SLC17A4: variants seen among roughly 807,000 people sequenced by gnomAD.
SLC17A4 encodes probable small intestine urate exporter.
SLC17A4 carries 33 observed loss-of-function variants against 52.5 expected under a neutral mutation model. That is an observed-to-expected ratio of 0.63 (90% CI 0.48 to 0.84). SLC17A4 has a LOEUF of 0.84. SLC17A4 is among the 40% of genes least tolerant of loss of function. SLC17A4 has a pLI of 0.00. For synonymous variants in SLC17A4, 225 were observed against 216.2 expected, an observed-to-expected ratio of 1.04 and a Z score of -0.36; for missense variants, 585 against 597.1, an observed-to-expected ratio of 0.98 and a Z score of 0.21.
At chr6:25,769,282 A>G (rs2328892) in intron 3 of SLC17A4, 92 bp downstream of exon 3, 152,175 of 1,185,502 alleles carry the variant, frequency 0.13, 10,982 homozygotes, top group Middle Eastern at 0.18. Flanking sequence ...ACCACTAAGT[A>G]TTTACTGAAC....
At chr6:25,759,796 A>G (rs1443870389) in intron 1 of SLC17A4, among the ~76,000 whole-genome samples, 2 of 152,228 alleles carry the variant, frequency 1.3e-5, no homozygotes, top group Non-Finnish European at 2.9e-5. Context: ...TGAAGACTAT[A>G]GATACTTGGT....
At chr6:25,760,250 T>C (rs1479107664) in intron 1 of SLC17A4, among the ~76,000 whole-genome samples, 5 of 152,234 alleles carry the variant, frequency 3.3e-5, no homozygotes, top group Admixed American at 3.3e-4. Flanking sequence ...ATTATTCCAA[T>C]AGTTTCCTAC....
Position 25,770,435 on chromosome 6 carries a change from C to T in SLC17A4, c.583C>T (p.Leu195=). The change falls in exon 5 of 12, where the codon CTG becomes TTG. Residue 195 remains leucine (L), a synonymous_variant. Coordinates refer to ENST00000377905, the MANE Select transcript of SLC17A4 (RefSeq NM_005495.3). ...YSIWVKWAPP[L]ERSQLTTIAG... The stretch of plus-strand genomic sequence containing the variant: ...AATTTGGGTCAAATGGGCTCCCCCA[C>T]TGGAAAGGAGTCAACTCACCACCAT... 6.2e-7 allele frequency: 1 copy of T among 1,614,128 alleles called. No individual in the cohort carries two copies. The highest frequency in any genetic ancestry group is 8.5e-7 in the Non-Finnish European group (1 of 1,179,990).
chr6:25,761,955 G>A lies in SLC17A4; in HGVS notation c.-8G>A, dbSNP rs764962322. On this transcript the variant is annotated 5_prime_UTR_variant, in exon 2 of 12. Transcript: ENST00000377905. Reference sequence around the variant, plus strand: ...GTAAATGCCAGTCCCTAGGAAGAGAGAACCAAAATGTCTACCGGACCAGAT... The same window carrying A: ...GTAAATGCCAGTCCCTAGGAAGAGAAAACCAAAATGTCTACCGGACCAGAT... The A allele has an allele frequency of 1.2e-6, 2 of 1,612,074 alleles. No individual in the cohort carries two copies. The highest frequency in any genetic ancestry group is 3.3e-5 in the Admixed American group (2 of 59,752).
intron 8 of SLC17A4, 149 bp from the exon 9 acceptor site, chr6:25,776,446 T>C (rs1762925414): frequency 1.1e-6 from 1 of 882,834 alleles, no homozygotes; most frequent in African/African-American, 1.7e-5. Context: ...ACTAAAAGTA[T>C]ATTGGCTCAT....
At chr6:25,767,639 A>G (rs1762132874) in intron 2 of SLC17A4, among the ~76,000 whole-genome samples, 1 of 152,230 alleles carries the variant, frequency 6.6e-6, no homozygotes, top group African/African-American at 2.4e-5. Flanking sequence ...TAATTAAAGG[A>G]CATGTCACAC....
chr6:25,778,317 G>GTCATTCT (rs1239930541), intron 11 of SLC17A4, among the ~76,000 whole-genome samples: 4 of 151,730 alleles, frequency 2.6e-5, no homozygotes, highest in African/African-American at 9.7e-5. Context: ...CCACAGGAAA[G>GTCATTCT]TTAAAGAATG....
rs565572503 is a variant in SLC17A4, at chr6:25,762,421, A to G, written c.91+368A>G. Among the ~76,000 whole-genome samples, 28 of 152,204 alleles carry G rather than the reference A, an allele frequency of 1.8e-4. No homozygotes were observed. In the South Asian group the frequency reaches 5.0e-3, roughly 27 times the overall value. ...ATGTTAAATCCAGACCTGACCCCGA[A>G]CCCCAAAATGGGCTTTTTGCTTCTA... On this transcript the variant is annotated intron_variant, in intron 2 of 11. Coordinates refer to ENST00000377905, the MANE Select transcript of SLC17A4 (RefSeq NM_005495.3).
At position 25,769,023 on chromosome 6, in the gene SLC17A4, C is replaced by A. The variant is rs773951910; in HGVS notation, c.130C>A (p.Gln44Lys). ...CCGACATGGGCTGGCCCTCATCTTG[C>A]AGCTCTGTAATTTTTCAATTTACAC... ...SVRHGLALIL[Q>K]LCNFSIYTQQ... The change falls in exon 3 of 12, where the codon CAG becomes AAG. Residue 44 changes from glutamine to lysine, a missense_variant. By Grantham distance (53) the Gln-to-Lys change is moderately conservative. Transcript: ENST00000377905. The A allele has an allele frequency of 1.2e-6, 2 of 1,614,054 alleles. No homozygotes were observed. The highest frequency in any genetic ancestry group is 1.7e-6 in the Non-Finnish European group (2 of 1,179,988).
intron 1 of SLC17A4, among the ~76,000 whole-genome samples, chr6:25,758,848 G>T (rs1027580420): frequency 6.6e-6 from 1 of 151,926 alleles, no homozygotes; most frequent in African/African-American, 2.4e-5. Flanking sequence ...GTTTGGGTTT[G>T]GTTTGTTCTT....
At chr6:25,758,368 A>G (rs1761207719) in intron 1 of SLC17A4, among the ~76,000 whole-genome samples, 1 of 152,154 alleles carries the variant, frequency 6.6e-6, no homozygotes, top group African/African-American at 2.4e-5. Flanking sequence ...GTGTCCCTGA[A>G]ATTTATTTTT....
chr6:25,771,443 G>A (rs1385663738), intron 6 of SLC17A4, among the ~76,000 whole-genome samples: 2 of 151,816 alleles, frequency 1.3e-5, no homozygotes, highest in Admixed American at 1.3e-4. Context: ...GTGTGATGGT[G>A]CATGCCTGTA....
chr6:25,756,596 C>T (rs1761038461), intron 1 of SLC17A4, among the ~76,000 whole-genome samples: 1 of 152,202 alleles, frequency 6.6e-6, no homozygotes, highest in Non-Finnish European at 1.5e-5. Context: ...CCTCCCTTCA[C>T]CCTCGGCTGT....
intron 1 of SLC17A4, among the ~76,000 whole-genome samples, chr6:25,760,026 A>G (rs1284121523): frequency 6.6e-6 from 1 of 152,230 alleles, no homozygotes; most frequent in Non-Finnish European, 1.5e-5. Flanking sequence ...ACACACCGTG[A>G]AGCAGCAATA....
In SLC17A4 at chr6:25,755,245, T is replaced by C. The variant is rs958688729; in HGVS notation, c.-37+464T>C. Among the ~76,000 whole-genome samples, 11 of 152,302 alleles carry C rather than the reference T, an allele frequency of 7.2e-5. No individual in the cohort carries two copies. In the South Asian group the frequency reaches 1.9e-3, roughly 26 times the overall value. On this transcript the variant is annotated intron_variant, in intron 1 of 11. Transcript: ENST00000377905. Reference sequence around the variant, plus strand: ...GAAGATTTTCATCATGCCTAAAAAATTAATGAAAACCAAACGGTTCTGGTT... The same window carrying C: ...GAAGATTTTCATCATGCCTAAAAAACTAATGAAAACCAAACGGTTCTGGTT...
In SLC17A4 at chr6:25,762,028, G is replaced by A. The variant is rs1761582911; in HGVS notation, c.66G>A (p.Val22=). The change falls in exon 2 of 12, where the codon GTG becomes GTA. Residue 22 remains valine (V), a synonymous_variant. Coordinates refer to ENST00000377905, the MANE Select transcript of SLC17A4 (RefSeq NM_005495.3). Reference sequence around the variant, plus strand: ...TTTCCAGTGATGGCAATTTAAACGTGGCTCAAGAGGAATGCTCCAGGAAAG... The same window carrying A: ...TTTCCAGTGATGGCAATTTAAACGTAGCTCAAGAGGAATGCTCCAGGAAAG... ...GDISSDGNLN[V]AQEECSRKGF... The A allele has an allele frequency of 1.9e-6, 3 of 1,613,260 alleles. No individual in the cohort carries two copies. In the East Asian group the frequency reaches 6.7e-5, roughly 36 times the overall value.
rs148724585 is a variant in SLC17A4, at chr6:25,770,397, C to G, written c.545C>G (p.Thr182Ser). 1.9e-5 allele frequency: 31 copies of G among 1,613,968 alleles called. No homozygotes were observed. The African/African-American group carries it at 3.1e-4, about 16-fold the overall frequency. Residue 182 changes from threonine (T) to serine (S), a missense_variant, in exon 5 of 12, where the codon ACT becomes AGT. Coordinates refer to ENST00000377905, the MANE Select transcript of SLC17A4 (RefSeq NM_005495.3). ...VQGIAQVMVL[T>S]GQYSIWVKWA... Reference sequence around the variant, plus strand: ...TTTTCCCCCCAGGTTATGGTATTAACTGGTCAGTATTCAATTTGGGTCAAA... The same window carrying G: ...TTTTCCCCCCAGGTTATGGTATTAAGTGGTCAGTATTCAATTTGGGTCAAA...
chr6:25,756,166 C>T (rs1389315234), intron 1 of SLC17A4, among the ~76,000 whole-genome samples: 1 of 152,070 alleles, frequency 6.6e-6, no homozygotes, highest in Admixed American at 6.5e-5. Flanking sequence ...AATGGTCTGG[C>T]CATTTTGGGA....
chr6:25,762,636 A>AACAGCATCATGCTACT (rs1761644089), intron 2 of SLC17A4, among the ~76,000 whole-genome samples: 1 of 152,206 alleles, frequency 6.6e-6, no homozygotes, highest in African/African-American at 2.4e-5. Flanking sequence ...TCAAAAGGCA[A>AACAGCATCATGCTACT]AACCCTAACC....
Sources: allele counts gnomAD v4.1 joint callset (sites outside exome capture counted in the v4.1 genomes callset), GRCh38; gene constraint gnomAD v4.1.1; transcripts MANE v1.5; gene names NCBI Gene and HGNC (gene_info 2026-07-23, HGNC 2026-07-21).